The following HNF4G variants were observed in gnomAD, a reference collection of about 807,000 sequenced individuals.
HNF4G encodes the protein hepatocyte nuclear factor 4 gamma, also known as hepatocyte nuclear factor 4-gamma.
HNF4G carries 21 observed loss-of-function variants against 50.9 expected under a neutral mutation model. The ratio of observed to expected loss-of-function variants is 0.41; its 90% CI spans 0.29 to 0.59. HNF4G has a LOEUF of 0.59. Among genes scored for constraint, HNF4G ranks in the 20% least tolerant of loss-of-function variants. The pLI, the probability that HNF4G is intolerant of heterozygous loss-of-function variation, is 0.26. For synonymous variants in HNF4G, 198 were observed against 185.6 expected (o/e 1.07, Z -0.54); for missense variants, 527 against 559.4 (o/e 0.94, Z 0.58).
intron 1 of HNF4G, among the ~76,000 whole-genome samples, chr8:75,462,137 G>A (rs1009445627): frequency 1.2e-4 from 18 of 151,854 alleles, no homozygotes; most frequent in Non-Finnish European, 2.4e-4. Flanking sequence ...GGCTGGTCTC[G>A]AACTCCCAAC....
intron 1 of HNF4G, among the ~76,000 whole-genome samples, chr8:75,468,822 CTA>C (rs1378537917): frequency 6.6e-6 from 1 of 151,750 alleles, no homozygotes; most frequent in African/African-American, 2.4e-5. Flanking sequence ...TATTGCCTCC[CTA>C]TCATCTAGAA....
At chr8:75,492,814 T>G (rs1812665694) in intron 2 of HNF4G, among the ~76,000 whole-genome samples, 1 of 152,084 alleles carries the variant, frequency 6.6e-6, no homozygotes, top group Admixed American at 6.6e-5. Flanking sequence ...GGCTTTGAAT[T>G]ATAAGCAAGG....
At chr8:75,418,326 C>T (rs1364364537) in intron 1 of HNF4G, among the ~76,000 whole-genome samples, 2 of 152,098 alleles carry the variant, frequency 1.3e-5, no homozygotes, top group Non-Finnish European at 2.9e-5. Flanking sequence ...GGGGTTAAGA[C>T]TTTAACATAT....
chr8:75,507,726 A>C (rs1563533690), intron 2 of HNF4G, among the ~76,000 whole-genome samples: 2 of 152,212 alleles, frequency 1.3e-5, no homozygotes, highest in Non-Finnish European at 2.9e-5. Context: ...TAAAGTTATA[A>C]AACTTGTTCA....
chr8:75,408,458 T>C (rs1366313020), intron 1 of HNF4G, among the ~76,000 whole-genome samples: 1 of 152,150 alleles, frequency 6.6e-6, no homozygotes, highest in Non-Finnish European at 1.5e-5. Flanking sequence ...CATCACCCCA[T>C]GCATGGCCTT....
At chr8:75,510,478 C>T (rs970502802) in intron 2 of HNF4G, among the ~76,000 whole-genome samples, 1 of 152,230 alleles carries the variant, frequency 6.6e-6, no homozygotes, top group African/African-American at 2.4e-5. Context: ...CCCAGAGCAA[C>T]TTCCACTGTT....
intron 2 of HNF4G, among the ~76,000 whole-genome samples, chr8:75,523,791 T>C (rs966965483): frequency 3.3e-5 from 5 of 151,970 alleles, no homozygotes; most frequent in African/African-American, 9.7e-5. Flanking sequence ...GTCATTGCAG[T>C]AACACACTGA....
intron 1 of HNF4G, among the ~76,000 whole-genome samples, chr8:75,429,779 A>G (rs1810964022): frequency 6.6e-6 from 1 of 152,230 alleles, no homozygotes; most frequent in African/African-American, 2.4e-5. Flanking sequence ...GCAGTGTTCC[A>G]ATCAGAAACC....
chr8:75,419,493 C>T (rs898275393), intron 1 of HNF4G, among the ~76,000 whole-genome samples: 6 of 152,190 alleles, frequency 3.9e-5, no homozygotes, highest in Admixed American at 2.0e-4. Context: ...AGACCCATTC[C>T]GAGGGACACT....
chr8:75,423,910 A>T (rs1282403002), intron 1 of HNF4G, among the ~76,000 whole-genome samples: 1 of 130,502 alleles, frequency 7.7e-6, no homozygotes, highest in African/African-American at 3.0e-5. Context: ...TGCAACCTCA[A>T]CTTCCCGGGT....
rs116004047 is a variant in HNF4G at position 75,559,175 on chromosome 8, G to T, written c.1123+138G>T. 1.6e-3 allele frequency: 1,060 copies of T among 661,860 alleles called. 7 individuals are homozygous for T. In the African/African-American group the frequency reaches 0.017, roughly 11 times the overall value. 41.0% of individuals were successfully genotyped at this position (661,860 alleles called of 1,614,324 possible). On this transcript the variant is annotated intron_variant, in intron 8 of 9. Transcript: ENST00000396423. ...TCCTGAATTTTTTTCCTTCTGCTATGACATAATGAACTCAAGGTTTTACAT... is the reference window on the plus strand; with the variant it reads ...TCCTGAATTTTTTTCCTTCTGCTATTACATAATGAACTCAAGGTTTTACAT...
chr8:75,520,385 A>G (rs1341291041), intron 2 of HNF4G, among the ~76,000 whole-genome samples: 2 of 151,672 alleles, frequency 1.3e-5, no homozygotes, highest in Middle Eastern at 3.2e-3. Flanking sequence ...TACTTTGTAA[A>G]TTTTTAAATT....
chr8:75,457,088 T>C (rs1019360477), intron 1 of HNF4G, among the ~76,000 whole-genome samples: 13 of 152,148 alleles, frequency 8.5e-5, no homozygotes, highest in Admixed American at 7.9e-4. Flanking sequence ...TAGTCTCTAA[T>C]ATATCCAGAA....
intron 2 of HNF4G, among the ~76,000 whole-genome samples, chr8:75,512,408 C>T (rs542422946): frequency 7.3e-5 from 11 of 150,156 alleles, no homozygotes; most frequent in African/African-American, 2.4e-4. Context: ...GACTCTCTTA[C>T]TTCATTTTAG....
chr8:75,521,220 T>A (rs773974757), intron 2 of HNF4G, among the ~76,000 whole-genome samples: 131 of 152,192 alleles, frequency 8.6e-4, no homozygotes, highest in Non-Finnish European at 1.3e-3. Context: ...TTCCTTAAGT[T>A]TTCCCAGATA....
At chr8:75,453,831 A>T (rs1458517274) in intron 1 of HNF4G, among the ~76,000 whole-genome samples, 1 of 152,114 alleles carries the variant, frequency 6.6e-6, no homozygotes, top group Non-Finnish European at 1.5e-5. Flanking sequence ...TATATATCAC[A>T]CAAGGTTGGT....
intron 1 of HNF4G, among the ~76,000 whole-genome samples, chr8:75,418,682 A>C (rs1029709241): frequency 2.0e-5 from 3 of 148,740 alleles, no homozygotes; most frequent in Admixed American, 2.0e-4. Flanking sequence ...AGAAAGAAGA[A>C]TCTTTCATGA....
intron 1 of HNF4G, among the ~76,000 whole-genome samples, chr8:75,418,722 CTTT>C (rs560295179): frequency 2.2e-4 from 24 of 109,394 alleles, no homozygotes; most frequent in African/African-American, 8.0e-4. Context: ...CTCTCTCTCT[CTTT>C]TTTTTTTTTT....
chr8:75,564,915 G>A lies in HNF4G; in HGVS notation c.*819G>A, dbSNP rs1190997359. The A allele has an allele frequency of 6.6e-6, 1 of 152,124 alleles. No individual in the cohort carries two copies. 9.4% of individuals were successfully genotyped at this position (152,124 alleles called of 1,614,324 possible). The stretch of plus-strand genomic sequence containing the variant: ...ATGCCCACAGCTGGCTCCCACGGTA[G>A]CCAGGAGAATTATCTATAGGTGGAA... On this transcript the variant is annotated 3_prime_UTR_variant, in exon 10 of 10. Transcript: ENST00000396423.
Sources: gnomAD v4.1 joint callset for allele counts (sites outside exome capture counted in the v4.1 genomes callset) on GRCh38, gnomAD v4.1.1 for gene constraint, MANE v1.5 for transcripts, NCBI Gene and HGNC (gene_info 2026-07-23, HGNC 2026-07-21) for gene names.